GPC5: variants seen among roughly 807,000 people sequenced by gnomAD.
The protein encoded by GPC5 is glypican 5.
Under a neutral mutation model 53.9 loss-of-function variants are expected in GPC5, and 47 were observed. The observed-to-expected ratio is 0.87, with a 90% CI of 0.69 to 1.11. The LOEUF is 1.11. Ranked by LOEUF, GPC5 falls within the 50% of genes most tolerant of loss-of-function variation. The pLI is 0.00. For missense variants in GPC5, 748 were observed against 713.1 expected (o/e 1.05, Z -0.56); for synonymous variants, 286 against 263.3 (o/e 1.09, Z -0.84).
Position 92,175,852 on chromosome 13 carries a change from C to A in GPC5, c.1561+30863C>A, listed in dbSNP as rs184885019. On this transcript the variant is annotated intron_variant, in intron 7 of 7. Coordinates refer to ENST00000377067, the MANE Select transcript of GPC5 (RefSeq NM_004466.6). ...ATCTCTTTAGAGGCTAAATACAAGA[C>A]CCCGTTACCAATTTAATAGTAGTTT... Among the ~76,000 whole-genome samples, 216 of 152,126 alleles carry A rather than the reference C, an allele frequency of 1.4e-3. 1 individual carries two copies. Among genetic ancestry groups the A allele is most frequent in the African/African-American group, 5.0e-3 (207 of 41,514 alleles).
chr13:92,038,045 T>C (rs2040907791), intron 6 of GPC5, among the ~76,000 whole-genome samples: 1 of 152,118 alleles, frequency 6.6e-6, no homozygotes, highest in Non-Finnish European at 1.5e-5. Context: ...AGGTGAAATA[T>C]GACGGCAGTG....
intron 7 of GPC5, among the ~76,000 whole-genome samples, chr13:92,411,880 T>C (rs1056843296): frequency 2.6e-5 from 3 of 114,324 alleles, no homozygotes; most frequent in Non-Finnish European, 3.6e-5. Flanking sequence ...CCGTTATCTT[T>C]CTATTAGGTT....
At chr13:91,821,013 A>G (rs1187155975) in intron 5 of GPC5, among the ~76,000 whole-genome samples, 1 of 152,100 alleles carries the variant, frequency 6.6e-6, no homozygotes, top group Non-Finnish European at 1.5e-5. Flanking sequence ...GTACTTCCAG[A>G]TAAATTTTTA....
At chr13:92,417,696 A>C (rs1876374820) in intron 7 of GPC5, among the ~76,000 whole-genome samples, 1 of 152,066 alleles carries the variant, frequency 6.6e-6, no homozygotes, top group African/African-American at 2.4e-5. Flanking sequence ...AACATGGAGA[A>C]ACCCCATCTC....
intron 2 of GPC5, among the ~76,000 whole-genome samples, chr13:91,607,570 AAAG>A (rs2033412178): frequency 6.6e-6 from 1 of 152,224 alleles, no homozygotes; most frequent in Non-Finnish European, 1.5e-5. Context: ...AAATGGAAAA[AAAG>A]CACATTTTAT....
chr13:91,556,345 A>T (rs1399631188), intron 2 of GPC5, among the ~76,000 whole-genome samples: 1 of 151,838 alleles, frequency 6.6e-6, no homozygotes, highest in East Asian at 1.9e-4. Context: ...TTTGTATTGG[A>T]ACTACCATTT....
intron 5 of GPC5, among the ~76,000 whole-genome samples, chr13:91,883,732 TTGAC>T (rs1236227668): frequency 3.3e-5 from 5 of 152,200 alleles, no homozygotes; most frequent in African/African-American, 4.8e-5. Context: ...TTTAAGGACT[TTGAC>T]TGTTCCTCAA....
At position 92,385,506 on chromosome 13, in the gene GPC5, A is replaced by ATACATATATG. The variant is rs1482818987; in HGVS notation, c.1561+240517_1561+240518insTACATATATG. 7.4e-4 allele frequency among the ~76,000 whole-genome samples: 98 copies of ATACATATATG among 133,112 alleles called. 2 individuals are homozygous for ATACATATATG. Among genetic ancestry groups the ATACATATATG allele is most frequent in the Non-Finnish European group, 1.1e-3 (68 of 64,468 alleles). The allele number at this position is 133,112 out of a possible 152,430, so 87.3% of individuals were successfully genotyped here. A position where few individuals can be genotyped will look rare whatever the true frequency, so the allele number is the denominator to read the frequency against. On this transcript the variant is annotated intron_variant, in intron 7 of 7. Coordinates refer to ENST00000377067, the MANE Select transcript of GPC5 (RefSeq NM_004466.6). The stretch of plus-strand genomic sequence containing the variant: ...TATATACACATATATACATACATAT[A>ATACATATATG]CATATATACATACATATGCATATAT...
At chr13:92,819,418 C>T (rs1357120171) in intron 7 of GPC5, among the ~76,000 whole-genome samples, 1 of 152,192 alleles carries the variant, frequency 6.6e-6, no homozygotes, top group East Asian at 1.9e-4. Context: ...TTTGGGCTAA[C>T]TTCACCAAAC....
At chr13:91,516,558 A>G (rs563826256) in intron 2 of GPC5, among the ~76,000 whole-genome samples, 1 of 152,256 alleles carries the variant, frequency 6.6e-6, no homozygotes, top group South Asian at 2.1e-4. Flanking sequence ...ATGGGCTGGC[A>G]TTGAGTGTCT....
intron 6 of GPC5, among the ~76,000 whole-genome samples, chr13:92,001,984 T>C (rs1283319754): frequency 6.6e-6 from 1 of 152,196 alleles, no homozygotes; most frequent in Non-Finnish European, 1.5e-5. Flanking sequence ...CAAAATGAAT[T>C]GTGGACAATA....
chr13:92,537,723 C>G (rs1431923162), intron 7 of GPC5, among the ~76,000 whole-genome samples: 1 of 152,110 alleles, frequency 6.6e-6, no homozygotes, highest in Non-Finnish European at 1.5e-5. Flanking sequence ...ATCTCCCTGT[C>G]TCATTGCTGA....
intron 6 of GPC5, among the ~76,000 whole-genome samples, chr13:92,129,034 G>A (rs560388519): frequency 6.6e-6 from 1 of 152,236 alleles, no homozygotes; most frequent in Non-Finnish European, 1.5e-5. Context: ...CATTGCAAGG[G>A]AGAGAGCCTG....
At chr13:92,166,985 CACACACACACAT>C (rs1363689233) in intron 7 of GPC5, among the ~76,000 whole-genome samples, 59 of 137,746 alleles carry the variant, frequency 4.3e-4, no homozygotes, top group African/African-American at 1.4e-3. Context: ...CACACACACA[CACACACACACAT>C]ATACACACGC....
chr13:92,211,996 G>C (rs1246421754), intron 7 of GPC5, among the ~76,000 whole-genome samples: 13 of 151,522 alleles, frequency 8.6e-5, no homozygotes, highest in Non-Finnish European at 4.4e-5. Flanking sequence ...CAATGTGTTG[G>C]TATTTGGAGG....
chr13:91,981,333 A>G (rs1054460016), intron 6 of GPC5, among the ~76,000 whole-genome samples: 2 of 149,120 alleles, frequency 1.3e-5, no homozygotes. Flanking sequence ...TCTGTCGCCC[A>G]GGCTGGAGTG....
chr13:92,027,993 A>C (rs1353040796), intron 6 of GPC5, among the ~76,000 whole-genome samples: 1 of 152,198 alleles, frequency 6.6e-6, no homozygotes, highest in Non-Finnish European at 1.5e-5. Context: ...TAACTCCTCA[A>C]ATTGCTTTTG....
chr13:91,409,105 A>G (rs12428047), intron 1 of GPC5, among the ~76,000 whole-genome samples: 308 of 152,174 alleles, frequency 2.0e-3, no homozygotes, highest in Admixed American at 5.5e-3. Context: ...TCTTTGAATA[A>G]CTCTCTTATT....
rs117267030 is a variant in GPC5, at chr13:92,191,564, A to C, written c.1561+46575A>C. Among the ~76,000 whole-genome samples, 55 of 152,314 alleles carry C rather than the reference A, an allele frequency of 3.6e-4. 1 individual carries two copies. Among genetic ancestry groups the C allele is most frequent in the Middle Eastern group, 6.8e-3 (2 of 294 alleles). ...CTTATATCCATATAGAAAGCAGTACATGGATCTTTACAGCAGCTTTATTAA... is the reference window on the plus strand; with the variant it reads ...CTTATATCCATATAGAAAGCAGTACCTGGATCTTTACAGCAGCTTTATTAA... On this transcript the variant is annotated intron_variant, in intron 7 of 7. Transcript: ENST00000377067.
Sources: gnomAD v4.1 joint callset for allele counts (sites outside exome capture counted in the v4.1 genomes callset) on GRCh38, gnomAD v4.1.1 for gene constraint, MANE v1.5 for transcripts, NCBI Gene and HGNC (gene_info 2026-07-23, HGNC 2026-07-21) for gene names.